The following ZSCAN5A variants were observed in gnomAD, a reference collection of about 807,000 sequenced individuals.
The protein encoded by ZSCAN5A is zinc finger and SCAN domain-containing protein 5A.
In ZSCAN5A, 12 loss-of-function variants were observed where a neutral mutation model predicts 23.7. The ratio of observed to expected loss-of-function variants is 0.51; its 90% confidence interval spans 0.32 to 0.82. ZSCAN5A has a LOEUF of 0.82. Ranked by LOEUF, ZSCAN5A falls within the 40% of genes least tolerant of loss-of-function variation. The pLI, the probability that ZSCAN5A is intolerant of heterozygous loss-of-function variation, is 0.03. For synonymous variants in ZSCAN5A, 257 were observed against 239.9 expected, an observed-to-expected ratio of 1.07 and a Z score of -0.66; for missense variants, 597 against 617.9, an observed-to-expected ratio of 0.97 and a Z score of 0.36.
chr19:56,228,357 G>T, intron 2 of ZSCAN5A: 1 of 985,170 alleles, frequency 1.0e-6, no homozygotes, highest in Non-Finnish European at 1.2e-6. Context: ...TCCAGGCCGC[G>T]TTTCCGGTTC....
intron 2 of ZSCAN5A, among the ~76,000 whole-genome samples, chr19:56,271,970 A>G (rs2037880373): frequency 6.6e-6 from 1 of 152,224 alleles, no homozygotes; most frequent in African/African-American, 2.4e-5. Flanking sequence ...AAATTATTAC[A>G]AACTTAATGG....
rs2033601547 is a variant in ZSCAN5A, at chr19:56,223,852, A to G, written c.385-18T>C. The G allele has an allele frequency of 6.2e-7, 1 of 1,602,822 alleles. No individual in the cohort carries two copies. Among genetic ancestry groups the G allele is most frequent in the Admixed American group, 1.7e-5 (1 of 59,854 alleles). On this transcript the variant is annotated intron_variant, in intron 3 of 5. Transcript: ENST00000683990. ...ACCACAGACTGTAGAGAGAAAAAAG[A>G]CAATCAGACTCACCATGAGAACCTG...
intron 2 of ZSCAN5A, among the ~76,000 whole-genome samples, chr19:56,252,265 T>C (rs540567847): frequency 1.3e-5 from 2 of 152,252 alleles, no homozygotes; most frequent in East Asian, 3.9e-4. Context: ...AACTGATGGA[T>C]TCAGGTGCAC....
At chr19:56,340,396 T>C (rs184496983) in intron 2 of ZSCAN5A, among the ~76,000 whole-genome samples, 1 of 152,310 alleles carries the variant, frequency 6.6e-6, no homozygotes, top group East Asian at 1.9e-4. Flanking sequence ...AAGGTTAGAT[T>C]GTCGGATCTC....
intron 2 of ZSCAN5A, among the ~76,000 whole-genome samples, chr19:56,305,979 G>A (rs1458392778): frequency 2.0e-5 from 3 of 151,620 alleles, no homozygotes; most frequent in Non-Finnish European, 4.4e-5. Flanking sequence ...GCAGGAGAAG[G>A]GGGAGGGAGT....
intron 2 of ZSCAN5A, among the ~76,000 whole-genome samples, chr19:56,336,266 G>C (rs1256031175): frequency 6.6e-6 from 1 of 152,258 alleles, no homozygotes; most frequent in East Asian, 1.9e-4. Flanking sequence ...CATATTTCTT[G>C]GAGGCTTTGT....
At chr19:56,342,090 A>T (rs1224129870) in intron 2 of ZSCAN5A, among the ~76,000 whole-genome samples, 1 of 152,142 alleles carries the variant, frequency 6.6e-6, no homozygotes, top group East Asian at 1.9e-4. Context: ...CACTACTATC[A>T]TTTCTCTTTA....
chr19:56,348,360 T>C (rs185931439), intron 2 of ZSCAN5A, among the ~76,000 whole-genome samples: 78 of 152,268 alleles, frequency 5.1e-4, no homozygotes, highest in African/African-American at 1.7e-3. Flanking sequence ...TTGCAAGCCA[T>C]TGTCATGATA....
chr19:56,325,358 G>A (rs2041422825), intron 2 of ZSCAN5A, among the ~76,000 whole-genome samples: 1 of 152,158 alleles, frequency 6.6e-6, no homozygotes, highest in Admixed American at 6.5e-5. Flanking sequence ...CGCTTTATGG[G>A]AGCTCAGTTC....
chr19:56,339,967 C>T (rs1174832386), intron 2 of ZSCAN5A, among the ~76,000 whole-genome samples: 1 of 152,226 alleles, frequency 6.6e-6, no homozygotes. Flanking sequence ...ACTGACCCTT[C>T]CAATCTGTTC....
At chr19:56,260,707 A>G (rs1198365917) in intron 2 of ZSCAN5A, among the ~76,000 whole-genome samples, 10 of 152,192 alleles carry the variant, frequency 6.6e-5, no homozygotes, top group Non-Finnish European at 7.3e-5. Context: ...GAGGAAAATC[A>G]ATCAATAAAA....
chr19:56,255,746 G>A (rs1458728404), intron 2 of ZSCAN5A, among the ~76,000 whole-genome samples: 1 of 152,046 alleles, frequency 6.6e-6, no homozygotes, highest in Non-Finnish European at 1.5e-5. Context: ...CCCTAGGAGG[G>A]TTGTTAGGGT....
chr19:56,315,148 G>C (rs1439653547), upstream of ZSCAN5A: 1 of 152,254 alleles, frequency 6.6e-6, no homozygotes, highest in African/African-American at 2.4e-5. Flanking sequence ...CTGTAGTTTA[G>C]GGTTGTTTTG....
intron 2 of ZSCAN5A, among the ~76,000 whole-genome samples, chr19:56,257,031 A>G (rs1338824998): frequency 6.6e-6 from 1 of 152,210 alleles, no homozygotes; most frequent in Non-Finnish European, 1.5e-5. Flanking sequence ...TGTATTTGCC[A>G]TCAGGGGAAT....
At chr19:56,260,214 C>CAT (rs2037022319) in intron 2 of ZSCAN5A, among the ~76,000 whole-genome samples, 1 of 127,870 alleles carries the variant, frequency 7.8e-6, no homozygotes, top group Non-Finnish European at 1.6e-5. Flanking sequence ...TATTTTTTTA[C>CAT]TTTTTTTTTT....
At chr19:56,294,555 C>G (rs1237781984) in intron 2 of ZSCAN5A, among the ~76,000 whole-genome samples, 7 of 152,142 alleles carry the variant, frequency 4.6e-5, no homozygotes, top group Non-Finnish European at 1.0e-4. Context: ...GCCAGGTGGT[C>G]TCTGCTGCCA....
At chr19:56,231,312 T>C (rs1334310346) in intron 2 of ZSCAN5A, among the ~76,000 whole-genome samples, 2 of 152,240 alleles carry the variant, frequency 1.3e-5, no homozygotes, top group East Asian at 1.9e-4. Context: ...GCACGTTGTA[T>C]ATATGTATCA....
intron 2 of ZSCAN5A, chr19:56,244,023 T>C: frequency 1.2e-6 from 1 of 806,102 alleles, no homozygotes; most frequent in Admixed American, 2.3e-5. Flanking sequence ...AGAGACTGAC[T>C]GAAATATTCT....
chr19:56,363,711 C>T (rs1186046996), intron 1 of ZSCAN5A, among the ~76,000 whole-genome samples: 2 of 152,178 alleles, frequency 1.3e-5, no homozygotes, highest in African/African-American at 2.4e-5. Flanking sequence ...TCCTTTAGGA[C>T]TCTGTGAACA....
Sources: allele counts gnomAD v4.1 joint callset (sites outside exome capture counted in the v4.1 genomes callset), GRCh38; gene constraint gnomAD v4.1.1; transcripts MANE v1.5; gene names NCBI Gene and HGNC (gene_info 2026-07-23, HGNC 2026-07-21).